ZNF638: variants seen among roughly 807,000 people sequenced by gnomAD.
ZNF638 encodes CTCL tumor antigen se33-1.
ZNF638 carries 46 observed loss-of-function variants against 195.6 expected under a neutral mutation model. That is an observed-to-expected ratio of 0.24 (90% CI 0.19 to 0.30). The LOEUF (loss-of-function observed/expected upper bound fraction) is 0.30, where lower values mean the gene tolerates loss of function less well. ZNF638 is among the 10% of genes least tolerant of loss of function. ZNF638 has a pLI of 1.00. For synonymous variants in ZNF638, 845 were observed against 772.0 expected, an observed-to-expected ratio of 1.09 and a Z score of -1.57; for missense variants, 2,440 against 2,325.3, an observed-to-expected ratio of 1.05 and a Z score of -1.01.
At chr2:71,374,504 A>ACATTAG (rs2079382488) in intron 8 of ZNF638, among the ~76,000 whole-genome samples, 4 of 152,260 alleles carry the variant, frequency 2.6e-5, no homozygotes, top group African/African-American at 9.6e-5. Flanking sequence ...AATCTTGAAC[A>ACATTAG]TTTACTCCTG....
At position 71,349,229 on chromosome 2, in the gene ZNF638, C is replaced by T. The variant is rs771106816; in HGVS notation, c.275C>T (p.Ala92Val). The T allele has an allele frequency of 1.2e-6, 2 of 1,614,082 alleles. No homozygotes were observed. Among genetic ancestry groups the T allele is most frequent in the South Asian group, 1.1e-5 (1 of 91,070 alleles). The change falls in exon 2 of 28, where the codon GCA (alanine) becomes GTA (valine). Residue 92 changes from alanine (A) to valine (V), a missense_variant. This residue lies in a region of ZNF638 where 191 missense variants were observed against 173.8 expected (regional missense o/e 1.10). Transcript: ENST00000264447. ...AAAGAAAAACTGGATTTTCATGAAG[C>T]ACAACAGAAGAAGGGGAAGCCTCAT... ...LTKEKLDFHE[A>V]QQKKGKPHGS...
intron 1 of ZNF638, among the ~76,000 whole-genome samples, chr2:71,337,749 T>G (rs529795200): frequency 6.6e-6 from 1 of 151,782 alleles, no homozygotes; most frequent in Non-Finnish European, 1.5e-5. Context: ...TTTTGTCAAT[T>G]GACCCAATAT....
At chr2:71,393,527 A>G (rs892310380) in intron 10 of ZNF638, 3 of 717,828 alleles carry the variant, frequency 4.2e-6, no homozygotes, top group South Asian at 3.0e-5. Context: ...CAGACGACAC[A>G]AGCCCCGGAC....
chr2:71,428,475 G>A, intron 24 of ZNF638, 72 bp from the exon 25 acceptor site: 1 of 1,393,166 alleles, frequency 7.2e-7, no homozygotes, highest in South Asian at 1.3e-5. Flanking sequence ...GATTCAGACA[G>A]TATAATATGT....
intron 22 of ZNF638, 89 bp from the exon 23 acceptor site, chr2:71,424,561 G>GTTTTT: frequency 2.0e-6 from 2 of 1,021,880 alleles, no homozygotes; most frequent in Non-Finnish European, 2.9e-6. Flanking sequence ...AATGTTTACT[G>GTTTTT]TTTTTTTTTG....
chr2:71,389,325 G>T (rs933882449), intron 10 of ZNF638, among the ~76,000 whole-genome samples: 6 of 152,198 alleles, frequency 3.9e-5, no homozygotes, highest in African/African-American at 1.4e-4. Flanking sequence ...TCAGGTATAT[G>T]AACCCATTTC....
chr2:71,427,344 C>G lies in ZNF638; in HGVS notation c.5475C>G (p.Ser1825=). The G allele has an allele frequency of 6.2e-7, 1 of 1,602,104 alleles. No homozygotes were observed. Among genetic ancestry groups the G allele is most frequent in the Non-Finnish European group, 8.5e-7 (1 of 1,177,166 alleles). The part of the protein sequence containing the change: ...DTKKTKLESL[S]QVGPVNENVM... ...AAAAGACAAAACTTGAATCCTTGTC[C>G]CAAGTGGGTCCAGTAAATGAGAATG... Residue 1825 remains serine (S), a synonymous_variant, in exon 24 of 28, where the codon TCC becomes TCG. Transcript: ENST00000264447.
At position 71,349,661 on chromosome 2, in the gene ZNF638, A is replaced by T. The variant is rs1241453324; in HGVS notation, c.707A>T (p.Asp236Val). 13 of 1,614,056 alleles carry T rather than the reference A, an allele frequency of 8.1e-6. No homozygotes were observed. The Admixed American group carries it at 1.8e-4, about 23-fold the overall frequency. ...VRIYDPEIPT[D>V]EVENEFQSQQ... ...ATTTATGATCCTGAAATTCCAACTG[A>T]TGAGGTCGAGAATGAATTTCAGTCA... The change falls in exon 2 of 28, where the codon GAT becomes GTT. Residue 236 changes from aspartate (D) to valine (V), a missense_variant. Around this residue, in one of 5 missense-constraint regions of ZNF638, gnomAD observed 305 missense variants for 283.6 expected, o/e 1.08. Transcript: ENST00000264447.
intron 1 of ZNF638, among the ~76,000 whole-genome samples, chr2:71,338,538 T>G (rs1478512597): frequency 6.6e-6 from 1 of 152,208 alleles, no homozygotes; most frequent in Non-Finnish European, 1.5e-5. Flanking sequence ...TAAAGTAGTT[T>G]CAGAATTGCT....
rs2079246082 is a variant in ZNF638, at chr2:71,368,456, A to G, written c.2070A>G (p.Glu690=). The G allele has an allele frequency of 6.2e-7, 1 of 1,613,550 alleles. No homozygotes were observed. The highest frequency in any genetic ancestry group is 8.5e-7 in the Non-Finnish European group (1 of 1,179,762). Residue 690 remains glutamate (E), a synonymous_variant, in exon 7 of 28, where the codon GAA becomes GAG. Coordinates refer to ENST00000264447, the MANE Select transcript of ZNF638 (RefSeq NM_014497.5). ...ITELPEDGCT[E]EDVRKLFQPF... ...AATTACCAGAGGATGGTTGTACTGAAGAAGATGTGAGAAAATTATTTCAAC... is the reference window on the plus strand; with the variant it reads ...AATTACCAGAGGATGGTTGTACTGAGGAAGATGTGAGAAAATTATTTCAAC...
In ZNF638 at chr2:71,426,992, A is replaced by G; in HGVS notation, c.5123A>G (p.Lys1708Arg). Residue 1708 changes from lysine (K) to arginine (R), a missense_variant, in exon 24 of 28, where the codon AAA becomes AGA. By Grantham distance (26) the Lys-to-Arg change is conservative. Coordinates refer to ENST00000264447, the MANE Select transcript of ZNF638 (RefSeq NM_014497.5). ...ADITFATLNT[K>R]GNEGDTVRDS... ...ATAACTTTTGCCACTTTAAATACTA[A>G]AGGAAATGAAGGAGATACTGTAAGG... The G allele has an allele frequency of 1.9e-6, 3 of 1,612,162 alleles. No individual in the cohort carries two copies. The highest frequency in any genetic ancestry group is 2.5e-6 in the Non-Finnish European group (3 of 1,179,246).
In ZNF638 at chr2:71,400,152, T is replaced by C; in HGVS notation, c.2628T>C (p.Thr876=). The change falls in exon 14 of 28, where the codon ACT becomes ACC. Residue 876 remains threonine (T), a synonymous_variant. Transcript: ENST00000264447. The part of the protein sequence containing the change: ...EIKTSIEVKA[T]ENCAKEAISD... ...AGACCAGTATTGAAGTCAAAGCCACTGAAAACTGTGCTAAAGAAGCTATTT... is the reference window on the plus strand; with the variant it reads ...AGACCAGTATTGAAGTCAAAGCCACCGAAAACTGTGCTAAAGAAGCTATTT... 1 of 1,609,018 alleles carries C rather than the reference T, an allele frequency of 6.2e-7. No homozygotes were observed. The highest frequency in any genetic ancestry group is 1.1e-5 in the South Asian group (1 of 89,774).
rs1359740219 is a variant in ZNF638, at chr2:71,348,883, C to G, written c.-72C>G. The G allele has an allele frequency of 6.2e-7, 1 of 1,613,742 alleles. No homozygotes were observed. On this transcript the variant is annotated 5_prime_UTR_variant, in exon 2 of 28. Coordinates refer to ENST00000264447, the MANE Select transcript of ZNF638 (RefSeq NM_014497.5). The stretch of plus-strand genomic sequence containing the variant: ...TAAGACTCAGTTGGCGCTTCAGCAG[C>G]TGAATGCCGTTGCCTCACATGGTTC...
Position 71,348,856 on chromosome 2 carries a change from A to G in ZNF638, c.-99A>G, listed in dbSNP as rs1423137126. On this transcript the variant is annotated 5_prime_UTR_variant, in exon 2 of 28. Transcript: ENST00000264447. Reference sequence around the variant, plus strand: ...CCCATCTCCTTTGCACTTTGCTCAGATTAAGACTCAGTTGGCGCTTCAGCA... The same window carrying G: ...CCCATCTCCTTTGCACTTTGCTCAGGTTAAGACTCAGTTGGCGCTTCAGCA... 6.2e-7 allele frequency: 1 copy of G among 1,611,590 alleles called. No individual in the cohort carries two copies. The highest frequency in any genetic ancestry group is 8.5e-7 in the Non-Finnish European group (1 of 1,179,804).
intron 27 of ZNF638, 102 bp from the exon 28 acceptor site, chr2:71,434,640 A>T (rs2152611975): frequency 2.2e-6 from 2 of 926,978 alleles, no homozygotes; most frequent in Non-Finnish European, 3.3e-6. Flanking sequence ...AATATTTTGT[A>T]GGATCAGTTT....
At chr2:71,339,352 CATGTTGGT>C (rs1484881071) in intron 1 of ZNF638, among the ~76,000 whole-genome samples, 1 of 152,068 alleles carries the variant, frequency 6.6e-6, no homozygotes, top group Non-Finnish European at 1.5e-5. Flanking sequence ...AGGGTTTCAC[CATGTTGGT>C]CAGGCTGGTC....
In ZNF638 at chr2:71,365,447, A is replaced by G; in HGVS notation, c.1736A>G (p.Glu579Gly). ...VRSSDRKKAL[E>G]DVVQRSGHGT... is the part of the protein sequence containing the mutation. ...TTACTAGATAGAAAAAAAGCATTAG[A>G]AGATGTAGTACAACGATCTGGGCAT... is the stretch of plus-strand genomic sequence containing the variant. The change falls in exon 6 of 28, where the codon GAA (glutamate) becomes GGA (glycine). Residue 579 changes from glutamate (E) to glycine (G), a missense_variant. By Grantham distance (98) the Glu-to-Gly change is moderately conservative. Coordinates refer to ENST00000264447, the MANE Select transcript of ZNF638 (RefSeq NM_014497.5). The G allele has an allele frequency of 1.3e-6, 2 of 1,599,010 alleles. No homozygotes were observed. Among genetic ancestry groups the G allele is most frequent in the African/African-American group, 1.4e-5 (1 of 74,066 alleles).
chr2:71,404,448 G>T (rs561681948), intron 17 of ZNF638, among the ~76,000 whole-genome samples: 1 of 152,134 alleles, frequency 6.6e-6, no homozygotes, highest in African/African-American at 2.4e-5. Flanking sequence ...GGTGGCTCAC[G>T]CTGGTGATCC....
At chr2:71,434,605 T>A (rs979379073) in intron 27 of ZNF638, 137 bp from the exon 28 acceptor site, 4 of 671,886 alleles carry the variant, frequency 6.0e-6, no homozygotes, top group African/African-American at 3.8e-5. Context: ...AAGGAAGAAA[T>A]GGTTATATAA....
Sources: gnomAD v4.1 joint callset for allele counts (sites outside exome capture counted in the v4.1 genomes callset) on GRCh38, gnomAD v4.1.1 for gene constraint, gnomAD v4.1.1 regional missense constraint, MANE v1.5 for transcripts, NCBI Gene and HGNC (gene_info 2026-07-23, HGNC 2026-07-21) for gene names.